Variants in NAA60 observed in about 807,000 individuals in gnomAD.
NAA60 encodes N-alpha-acetyltransferase 60.
In NAA60, 8 loss-of-function variants were observed where a neutral mutation model predicts 26.1. The ratio of observed to expected loss-of-function variants is 0.31; its 90% confidence interval spans 0.18 to 0.55. The LOEUF is 0.55. Among genes scored for constraint, NAA60 ranks in the 20% least tolerant of loss-of-function variants. The pLI is 0.93. For synonymous variants in NAA60, 131 were observed against 122.5 expected (o/e 1.07, Z -0.46); for missense variants, 290 against 311.3 (o/e 0.93, Z 0.51).
At chr16:3,450,241 C>G in intron 2 of NAA60, 1 of 325,894 alleles carries the variant, frequency 3.1e-6, no homozygotes, top group Non-Finnish European at 5.6e-6. Context: ...CTGGGGTGGT[C>G]TGGAGGCCTC....
At position 3,476,250 on chromosome 16, in the gene NAA60, G is replaced by T. The variant is rs373468206; in HGVS notation, c.23G>T (p.Ser8Ile). The change falls in exon 3 of 8, where the codon AGC becomes ATC. Residue 8 changes from serine (S) to isoleucine (I), a missense_variant. By Grantham distance (142) the Ser-to-Ile change is moderately radical. Transcript: ENST00000407558. ...TGAATGACAGAGGTGGTGCCATCCA[G>T]CGCGCTCAGCGAGGTCAGCCTGCGC... is the stretch of plus-strand genomic sequence containing the variant. MTEVVPS[S>I]ALSEVSLRLL... 1.2e-6 allele frequency: 2 copies of T among 1,608,686 alleles called. No individual in the cohort carries two copies. The highest frequency in any genetic ancestry group is 2.7e-5 in the African/African-American group (2 of 74,760).
intron 1 of NAA60, chr16:3,447,698 G>C: frequency 1.1e-6 from 1 of 923,530 alleles, no homozygotes; most frequent in Non-Finnish European, 1.3e-6. Context: ...TGAGCAGTTA[G>C]AAAACTGTTG....
At chr16:3,474,904 G>A (rs2036382014) in intron 2 of NAA60, among the ~76,000 whole-genome samples, 1 of 152,170 alleles carries the variant, frequency 6.6e-6, no homozygotes, top group South Asian at 2.1e-4. Context: ...TCCTAAAAAA[G>A]GAGGATGAAT....
At chr16:3,470,598 G>A (rs775070894) in intron 2 of NAA60, among the ~76,000 whole-genome samples, 15 of 150,716 alleles carry the variant, frequency 1.0e-4, no homozygotes, top group South Asian at 2.2e-4. Context: ...CTGCAGGCAC[G>A]GATACACTGG....
At position 3,486,272 on chromosome 16, in the gene NAA60, C is replaced by G. The variant is rs569214418; in HGVS notation, c.*1012C>G. The stretch of plus-strand genomic sequence containing the variant: ...TCTAGCATCCTCTCCACCCTGCATT[C>G]CAAATGCTGCTTGCTGCCTGCCCTG... On this transcript the variant is annotated 3_prime_UTR_variant, in exon 8 of 8. Coordinates refer to ENST00000407558, the MANE Select transcript of NAA60 (RefSeq NM_001083601.3). 6.5e-6 allele frequency: 1 copy of G among 153,768 alleles called. No individual in the cohort carries two copies. The highest frequency in any genetic ancestry group is 1.9e-4 in the East Asian group (1 of 5,192). 9.5% of individuals were successfully genotyped at this position (153,768 alleles called of 1,614,324 possible).
intron 2 of NAA60, 115 bp from the exon 3 acceptor site, chr16:3,476,107 A>G: frequency 1.4e-6 from 1 of 715,124 alleles, no homozygotes; most frequent in South Asian, 1.8e-5. Flanking sequence ...GTGCTGGCTG[A>G]GGGGTGTCCA....
chr16:3,465,857 C>T (rs144375184), intron 2 of NAA60, among the ~76,000 whole-genome samples: 120 of 152,232 alleles, frequency 7.9e-4, no homozygotes, highest in Admixed American at 2.2e-3. Flanking sequence ...GCTGAGACCC[C>T]GATACCCAGG....
chr16:3,443,712 T>G lies in NAA60; in HGVS notation c.-202T>G. 1 of 1,462,334 alleles carries G rather than the reference T, an allele frequency of 6.8e-7. No homozygotes were observed. 90.6% of individuals were successfully genotyped at this position (1,462,334 alleles called of 1,614,324 possible). On this transcript the variant is annotated 5_prime_UTR_variant, in exon 1 of 8. Coordinates refer to ENST00000407558, the MANE Select transcript of NAA60 (RefSeq NM_001083601.3). ...CGCTGGCGGGGTCTCCTCCGTGAGC[T>G]CCGGGCCTGTTTGCCTGCTGAAGTA...
intron 2 of NAA60, among the ~76,000 whole-genome samples, chr16:3,453,511 C>A (rs543562863): frequency 3.3e-5 from 5 of 152,102 alleles, no homozygotes; most frequent in African/African-American, 1.2e-4. Context: ...CAGGTTCAAG[C>A]GATTCTTCTG....
chr16:3,470,748 A>G (rs913370902), intron 2 of NAA60, among the ~76,000 whole-genome samples: 2 of 152,244 alleles, frequency 1.3e-5, no homozygotes, highest in Admixed American at 1.3e-4. Context: ...AGGGAGGCTG[A>G]TGGGCCAGGG....
chr16:3,462,086 CAAA>C (rs1228233879), intron 2 of NAA60, among the ~76,000 whole-genome samples: 8 of 76,780 alleles, frequency 1.0e-4, no homozygotes, highest in Admixed American at 1.5e-4. Flanking sequence ...GACCTTATAT[CAAA>C]AAAAAAAAAA....
intron 2 of NAA60, among the ~76,000 whole-genome samples, chr16:3,451,845 G>C (rs1197746132): frequency 6.6e-6 from 1 of 151,964 alleles, no homozygotes; most frequent in East Asian, 1.9e-4. Flanking sequence ...TTGAGCCCAG[G>C]AGGCAGAAAT....
rs536379354 is a variant in NAA60, at chr16:3,475,150, C to T, written c.-6-1072C>T. Among the ~76,000 whole-genome samples the T allele has an allele frequency of 5.6e-4, 82 of 146,872 alleles. No individual in the cohort carries two copies. The East Asian group carries it at 9.6e-3, about 17-fold the overall frequency. On this transcript the variant is annotated intron_variant, in intron 2 of 7. Transcript: ENST00000407558. ...TGTTGCCCAGGCTGGAGTGCAGTGG[C>T]GCAGTCTTGGCTCACTGCAGCCTCC... is the stretch of plus-strand genomic sequence containing the variant.
chr16:3,484,502 C>G (rs1273795648), intron 6 of NAA60, 197 bp from the exon 7 acceptor site: 3 of 665,896 alleles, frequency 4.5e-6, no homozygotes, highest in Non-Finnish European at 7.6e-6. Flanking sequence ...AGACCCCACC[C>G]TCTGTTGTTT....
chr16:3,443,899 TGA>T, intron 1 of NAA60, 62 bp downstream of exon 1: 1 of 1,485,458 alleles, frequency 6.7e-7, no homozygotes, highest in Non-Finnish European at 8.9e-7. Flanking sequence ...GCAAGGTGAT[TGA>T]GAGGGCGGGG....
At chr16:3,455,771 G>A (rs1278243437) in intron 2 of NAA60, among the ~76,000 whole-genome samples, 2 of 151,908 alleles carry the variant, frequency 1.3e-5, no homozygotes, top group African/African-American at 4.8e-5. Flanking sequence ...ACAGTGGCGC[G>A]ATCTCGGCTC....
chr16:3,443,859 C>T (rs1182251525), intron 1 of NAA60, 22 bp downstream of exon 1: 9 of 1,528,394 alleles, frequency 5.9e-6, no homozygotes, highest in Admixed American at 2.0e-5. Context: ...CAACAGTGCC[C>T]TGTAGGCCTG....
intron 2 of NAA60, among the ~76,000 whole-genome samples, chr16:3,464,453 A>C (rs1162990644): frequency 2.0e-5 from 3 of 152,200 alleles, no homozygotes; most frequent in Admixed American, 6.5e-5. Flanking sequence ...AAGTGGGGAC[A>C]GGAAGTGCTC....
Position 3,485,883 on chromosome 16 carries a change from C to T in NAA60, c.*623C>T, listed in dbSNP as rs927703173. 2.3e-5 allele frequency: 8 copies of T among 354,936 alleles called. No homozygotes were observed. The highest frequency in any genetic ancestry group is 6.4e-5 in the African/African-American group (3 of 46,642). 22.0% of individuals were successfully genotyped at this position (354,936 alleles called of 1,614,324 possible). On this transcript the variant is annotated 3_prime_UTR_variant, in exon 8 of 8. Transcript: ENST00000407558. ...AAGCACAGAGCTCTGAGGCTCAGCC[C>T]CCTGGCACAGGCGGTCACGCATCAG... is the stretch of plus-strand genomic sequence containing the variant.
Sources: allele counts gnomAD v4.1 joint callset (sites outside exome capture counted in the v4.1 genomes callset), GRCh38; gene constraint gnomAD v4.1.1; transcripts MANE v1.5; gene names NCBI Gene and HGNC (gene_info 2026-07-23, HGNC 2026-07-21).